The following SULT1C3 variants were observed in gnomAD, a reference collection of about 807,000 sequenced individuals.
SULT1C3 encodes the protein sulfotransferase family 1C member 3.
In SULT1C3, 31 loss-of-function variants were observed where a neutral mutation model predicts 28.4. That is an observed-to-expected ratio of 1.09 (90% CI 0.82 to 1.47). SULT1C3 has a LOEUF of 1.47. Ranked by LOEUF, SULT1C3 falls within the 40% of genes most tolerant of loss-of-function variation. The pLI is 0.00. For synonymous variants in SULT1C3, 106 were observed against 92.2 expected, an observed-to-expected ratio of 1.15 and a Z score of -0.86; for missense variants, 307 against 272.5, an observed-to-expected ratio of 1.13 and a Z score of -0.89.
intron 1 of SULT1C3, among the ~76,000 whole-genome samples, chr2:108,240,333 T>G (rs1675438257): frequency 6.6e-6 from 1 of 152,230 alleles, no homozygotes. Context: ...CCTGATGGTC[T>G]GAAAGAATGA....
chr2:108,255,533 T>C, intron 4 of SULT1C3, 39 bp from the exon 5 acceptor site: 1 of 1,601,728 alleles, frequency 6.2e-7, no homozygotes. Flanking sequence ...GTCAGTCTAT[T>C]TTTCTCTCCA....
intron 3 of SULT1C3, among the ~76,000 whole-genome samples, chr2:108,253,118 GC>G (rs1426583954): frequency 2.0e-5 from 3 of 152,090 alleles, no homozygotes; most frequent in African/African-American, 7.2e-5. Flanking sequence ...GTGAAAAAGA[GC>G]TTTCCTGAAA....
chr2:108,248,511 G>C (rs572417422), intron 2 of SULT1C3, among the ~76,000 whole-genome samples: 1 of 152,168 alleles, frequency 6.6e-6, no homozygotes, highest in South Asian at 2.1e-4. Context: ...TGAAGTGGCT[G>C]CTATTTGCAG....
intron 1 of SULT1C3, among the ~76,000 whole-genome samples, chr2:108,244,433 G>T (rs1316370565): frequency 1.3e-5 from 2 of 152,178 alleles, no homozygotes; most frequent in Non-Finnish European, 2.9e-5. Flanking sequence ...AATTACAGTT[G>T]TTATGAGGTA....
chr2:108,254,550 T>C (rs1675813499), intron 4 of SULT1C3, among the ~76,000 whole-genome samples: 1 of 151,918 alleles, frequency 6.6e-6, no homozygotes, highest in African/African-American at 2.4e-5. Context: ...AGGGACTTGA[T>C]CGTGCCCAAT....
intron 1 of SULT1C3, among the ~76,000 whole-genome samples, chr2:108,243,518 CTA>C (rs1675510238): frequency 6.6e-6 from 1 of 151,650 alleles, no homozygotes; most frequent in Non-Finnish European, 1.5e-5. Context: ...GTAGTCCCAG[CTA>C]CTTGGGAGGC....
rs6716965 is a variant in SULT1C3 at position 108,255,665 on chromosome 2, G to A, written c.493G>A (p.Glu165Lys). ...CTTTATGCCTGATCCTCAGAACTTA[G>A]AGGAATTTTATGAGAAATTCATGTC... ...ASFMPDPQNL[E>K]EFYEKFMSGK... The change falls in exon 5 of 8, where the codon GAG (glutamate) becomes AAG (lysine). Residue 165 changes from glutamate (E) to lysine (K), a missense_variant. Transcript: ENST00000681802. 6.2e-7 allele frequency: 1 copy of A among 1,611,276 alleles called. No homozygotes were observed. The highest frequency in any genetic ancestry group is 8.5e-7 in the Non-Finnish European group (1 of 1,178,204).
chr2:108,245,989 T>C (rs990816390), intron 1 of SULT1C3, among the ~76,000 whole-genome samples: 7 of 152,188 alleles, frequency 4.6e-5, no homozygotes, highest in African/African-American at 1.7e-4. Flanking sequence ...AAATCATCTC[T>C]CTCAAGTTCA....
rs557320759 is a variant in SULT1C3, at chr2:108,259,092, A to G, written c.748A>G (p.Thr250Ala). ...VMKDNPMANH[T>A]AVPAHIFNHS... ...GAAGGATAATCCCATGGCCAACCATACTGCGGTACCTGCTCACATATTCAA... is the reference window on the plus strand; with the variant it reads ...GAAGGATAATCCCATGGCCAACCATGCTGCGGTACCTGCTCACATATTCAA... Residue 250 changes from threonine (T) to alanine (A), a missense_variant, in exon 7 of 8, where the codon ACT (threonine) becomes GCT (alanine). Physicochemically the swap from Thr to Ala is moderately conservative, Grantham distance 58. Coordinates refer to ENST00000681802, the MANE Select transcript of SULT1C3 (RefSeq NM_001320878.2). The G allele has an allele frequency of 5.1e-5, 31 of 602,598 alleles. No homozygotes were observed. Among genetic ancestry groups the G allele is most frequent in the African/African-American group, 4.4e-4 (24 of 54,814 alleles). 37.3% of individuals were successfully genotyped at this position (602,598 alleles called of 1,614,324 possible).
chr2:108,253,186 AG>A (rs1224228319), intron 3 of SULT1C3, among the ~76,000 whole-genome samples, 158 bp from the exon 4 acceptor site: 1 of 152,150 alleles, frequency 6.6e-6, no homozygotes, highest in Non-Finnish European at 1.5e-5. Context: ...AAGGTTAGGC[AG>A]GATTGGATGC....
intron 2 of SULT1C3, among the ~76,000 whole-genome samples, chr2:108,250,091 A>C (rs1174027833): frequency 6.6e-6 from 1 of 152,102 alleles, no homozygotes; most frequent in African/African-American, 2.4e-5. Context: ...AATATAAATT[A>C]GACTTAATCA....
At chr2:108,247,907 A>G (rs1396858038) in intron 2 of SULT1C3, among the ~76,000 whole-genome samples, 2 of 152,140 alleles carry the variant, frequency 1.3e-5, no homozygotes, top group African/African-American at 4.8e-5. Context: ...CTAGACTGGA[A>G]CACATGCTAG....
chr2:108,247,243 C>G lies in SULT1C3; in HGVS notation c.49C>G (p.Leu17Val), dbSNP rs771754428. The G allele has an allele frequency of 1.9e-6, 3 of 1,570,278 alleles. No homozygotes were observed. In the Admixed American group the frequency reaches 5.4e-5, roughly 28 times the overall value. ...TCCCACGATGGAAAAAAAGCCAGAA[C>G]TGTTTAACATCATGGAAGTAGATGG... is the stretch of plus-strand genomic sequence containing the variant. ...NAPTMEKKPELFNIMEVDGVP... is the reference protein window; with the variant it reads ...NAPTMEKKPEVFNIMEVDGVP... Residue 17 changes from leucine to valine, a missense_variant, in exon 2 of 8, where the codon CTG becomes GTG. Coordinates refer to ENST00000681802, the MANE Select transcript of SULT1C3 (RefSeq NM_001320878.2).
downstream of SULT1C3, among the ~76,000 whole-genome samples, chr2:108,262,172 C>G (rs1381253376): frequency 6.6e-6 from 1 of 152,100 alleles, no homozygotes; most frequent in Non-Finnish European, 1.5e-5. Flanking sequence ...TTGATCACTC[C>G]TGCCTAGTCA....
Position 108,255,564 on chromosome 2 carries a change from G to T in SULT1C3, c.400-8G>T. 1 of 1,608,712 alleles carries T rather than the reference G, an allele frequency of 6.2e-7. No individual in the cohort carries two copies. The highest frequency in any genetic ancestry group is 1.1e-5 in the South Asian group (1 of 90,316). ...CTCCATGGCTTCCTTCCCTCTCCTTGATTTCAGATTGTCTATGTGGCCAGA... is the reference window on the plus strand; with the variant it reads ...CTCCATGGCTTCCTTCCCTCTCCTTTATTTCAGATTGTCTATGTGGCCAGA... On this transcript the variant is annotated splice_polypyrimidine_tract_variant and splice_region_variant and intron_variant, in intron 4 of 7. Coordinates refer to ENST00000681802, the MANE Select transcript of SULT1C3 (RefSeq NM_001320878.2).
At chr2:108,251,230 A>G (rs934314024) in intron 2 of SULT1C3, among the ~76,000 whole-genome samples, 7 of 152,066 alleles carry the variant, frequency 4.6e-5, no homozygotes, top group African/African-American at 1.7e-4. Context: ...GATCTACCTA[A>G]TAAATAGAGA....
chr2:108,265,326 C>T, downstream of SULT1C3: 1 of 1,613,716 alleles, frequency 6.2e-7, no homozygotes, highest in Non-Finnish European at 8.5e-7. Context: ...GCAGGAAGCA[C>T]CCTAACCTTC....
chr2:108,250,598 C>CA (rs1675705434), intron 2 of SULT1C3, among the ~76,000 whole-genome samples: 1 of 906 alleles, frequency 1.1e-3, no homozygotes, highest in Non-Finnish European at 1.6e-3. Flanking sequence ...AAAACTTGTA[C>CA]ACAACACTAT....
At chr2:108,246,805 T>A (rs963402958) in intron 1 of SULT1C3, among the ~76,000 whole-genome samples, 1 of 152,164 alleles carries the variant, frequency 6.6e-6, no homozygotes, top group Admixed American at 6.6e-5. Context: ...TTGAAGACAA[T>A]GAAGCAATAT....
Sources: allele counts gnomAD v4.1 joint callset (sites outside exome capture counted in the v4.1 genomes callset), GRCh38; gene constraint gnomAD v4.1.1; transcripts MANE v1.5; gene names NCBI Gene and HGNC (gene_info 2026-07-23, HGNC 2026-07-21).